The following SUMF1 variants were observed in gnomAD, a reference collection of about 807,000 sequenced individuals.
SUMF1 encodes formylglycine-generating enzyme.
A neutral mutation model predicts 47.6 loss-of-function variants in SUMF1; 48 were observed. The ratio of observed to expected loss-of-function variants is 1.01; its 90% CI spans 0.80 to 1.28. The LOEUF (loss-of-function observed/expected upper bound fraction) is 1.28, where lower values mean the gene tolerates loss of function less well. Among genes scored for constraint, SUMF1 ranks in the 50% most tolerant of loss-of-function variants. The pLI is 0.00. For missense variants in SUMF1, 571 were observed against 485.4 expected, an observed-to-expected ratio of 1.18 and a Z score of -1.66; for synonymous variants, 230 against 192.1, an observed-to-expected ratio of 1.20 and a Z score of -1.63.
intron 9 of SUMF1, among the ~76,000 whole-genome samples, chr3:4,036,563 T>C (rs1473323851): frequency 3.3e-5 from 5 of 151,484 alleles, no homozygotes; most frequent in African/African-American, 1.2e-4. Context: ...GGAGGAGTTT[T>C]CTCACTCCTC....
intron 8 of SUMF1, among the ~76,000 whole-genome samples, chr3:4,172,601 C>T (rs1694857670): frequency 6.6e-6 from 1 of 152,100 alleles, no homozygotes; most frequent in African/African-American, 2.4e-5. Context: ...GATCACACAG[C>T]TAAGAATAAG....
chr3:4,074,017 C>T (rs140928166), intron 8 of SUMF1, among the ~76,000 whole-genome samples: 12 of 151,998 alleles, frequency 7.9e-5, no homozygotes, highest in Admixed American at 1.3e-4. Flanking sequence ...ACTCTCCACC[C>T]CAAATCAACA....
At chr3:4,253,315 G>C (rs570400405) in intron 8 of SUMF1, among the ~76,000 whole-genome samples, 10 of 152,240 alleles carry the variant, frequency 6.6e-5, no homozygotes, top group Non-Finnish European at 1.0e-4. Context: ...GAGTGACGCA[G>C]AAGACAGGTG....
At chr3:4,295,116 C>A (rs1697823932) in intron 8 of SUMF1, among the ~76,000 whole-genome samples, 1 of 152,094 alleles carries the variant, frequency 6.6e-6, no homozygotes, top group African/African-American at 2.4e-5. Flanking sequence ...TAGTCTTGGG[C>A]AACTGAGTAA....
chr3:4,099,555 C>T (rs1692984332), intron 8 of SUMF1, among the ~76,000 whole-genome samples: 1 of 152,034 alleles, frequency 6.6e-6, no homozygotes, highest in African/African-American at 2.4e-5. Flanking sequence ...AGGAAGAAGA[C>T]AAAGATGGCT....
chr3:4,265,845 G>A (rs1048707647), intron 8 of SUMF1, among the ~76,000 whole-genome samples: 3 of 152,268 alleles, frequency 2.0e-5, no homozygotes, highest in African/African-American at 7.2e-5. Flanking sequence ...TTTTCTCCTA[G>A]GGTTTTTATG....
intron 8 of SUMF1, chr3:4,303,284 G>C: frequency 7.4e-7 from 1 of 1,358,884 alleles, no homozygotes; most frequent in Non-Finnish European, 9.7e-7. Flanking sequence ...ATTCCCATGA[G>C]GCGGTGGGGC....
intron 8 of SUMF1, among the ~76,000 whole-genome samples, chr3:4,282,998 T>C (rs1020035587): frequency 6.6e-6 from 1 of 152,222 alleles, no homozygotes; most frequent in Non-Finnish European, 1.5e-5. Context: ...ATGAATTAGA[T>C]GACTGCCTCT....
rs1035961742 is a variant in SUMF1 at position 4,442,099 on chromosome 3, C to T, written c.519+7167G>A. ...AATCAGACCTGTGAAAAGGAAAATC[C>T]CAAAAGAGCCAACAGGCATTACTGG... On this transcript the variant is annotated intron_variant, in intron 3 of 8. Transcript: ENST00000272902. 2.0e-5 allele frequency among the ~76,000 whole-genome samples: 3 copies of T among 152,094 alleles called. No homozygotes were observed. The East Asian group carries it at 5.8e-4, about 29-fold the overall frequency.
chr3:4,356,845 A>T (rs888336492), downstream of SUMF1, among the ~76,000 whole-genome samples: 1 of 152,224 alleles, frequency 6.6e-6, no homozygotes, highest in Non-Finnish European at 1.5e-5. Flanking sequence ...ACGAGAACAG[A>T]GCAGTGGCAG....
rs180716346 is a variant in SUMF1 at position 4,062,918 on chromosome 3, T to C, written c.1191+5651A>G. ...TCAAATAAGGAGTTTTGTCTCTGGA[T>C]GGCCTGCTTGATGGCCACCAGGTGA... On this transcript the variant is annotated intron_variant and NMD_transcript_variant, in intron 9 of 12. Transcript: ENST00000448413. Among the ~76,000 whole-genome samples the C allele has an allele frequency of 3.9e-5, 6 of 152,264 alleles. No individual in the cohort carries two copies. The East Asian group carries it at 9.6e-4, about 24-fold the overall frequency.
chr3:4,353,908 G>A (rs987492887), intron 8 of SUMF1, among the ~76,000 whole-genome samples: 4 of 152,124 alleles, frequency 2.6e-5, no homozygotes, highest in African/African-American at 9.7e-5. Context: ...CTGTCACCCA[G>A]GCTGGAGTGC....
At chr3:4,351,086 G>A (rs1414528626) in intron 8 of SUMF1, among the ~76,000 whole-genome samples, 1 of 152,238 alleles carries the variant, frequency 6.6e-6, no homozygotes. Context: ...ACAAGAGATT[G>A]TTCAAAGGTA....
At chr3:4,306,560 A>T (rs1409960345) in intron 8 of SUMF1, among the ~76,000 whole-genome samples, 3 of 152,210 alleles carry the variant, frequency 2.0e-5, no homozygotes, top group Non-Finnish European at 4.4e-5. Context: ...TTACAAAAAT[A>T]AGACAGGATG....
chr3:4,334,143 A>C (rs1428252824), intron 8 of SUMF1, among the ~76,000 whole-genome samples: 3 of 152,126 alleles, frequency 2.0e-5, no homozygotes, highest in Non-Finnish European at 2.9e-5. Flanking sequence ...AAAAAGTTTA[A>C]GTCAACTAAA....
chr3:4,395,769 A>T (rs1701020299), intron 7 of SUMF1, among the ~76,000 whole-genome samples: 2 of 152,194 alleles, frequency 1.3e-5, no homozygotes, highest in African/African-American at 2.4e-5. Context: ...ATTTTCCAAT[A>T]ATATAAGTCA....
intron 8 of SUMF1, among the ~76,000 whole-genome samples, chr3:4,159,318 TTGAGGTTACCA>T (rs1694523360): frequency 1.3e-5 from 2 of 151,142 alleles, no homozygotes; most frequent in African/African-American, 4.9e-5. Flanking sequence ...TTTTTTTTAT[TTGAGGTTACCA>T]TGAAGCTTGC....
intron 7 of SUMF1, among the ~76,000 whole-genome samples, chr3:4,379,215 T>C (rs1700422022): frequency 6.6e-6 from 1 of 152,244 alleles, no homozygotes; most frequent in African/African-American, 2.4e-5. Flanking sequence ...CCAAAATTAA[T>C]GCTCATTCAC....
rs1420466361 is a variant in SUMF1 at position 4,467,236 on chromosome 3, G to A, written c.10C>T (p.Pro4Ser). 6.2e-7 allele frequency: 1 copy of A among 1,608,784 alleles called. No homozygotes were observed. The highest frequency in any genetic ancestry group is 1.3e-5 in the African/African-American group (1 of 74,914). ...CGTCCACACACCAGCCCTAGTGCGGGCGCAGCCATGTTGTCCCGCGGGCCA... is the reference window on the plus strand; with the variant it reads ...CGTCCACACACCAGCCCTAGTGCGGACGCAGCCATGTTGTCCCGCGGGCCA... MAA[P>S]ALGLVCGRCP... Residue 4 changes from proline to serine, a missense_variant, in exon 1 of 9, where the codon CCC (proline) becomes TCC (serine). Coordinates refer to ENST00000272902, the MANE Select transcript of SUMF1 (RefSeq NM_182760.4).
Sources: allele counts gnomAD v4.1 joint callset (sites outside exome capture counted in the v4.1 genomes callset), GRCh38; gene constraint gnomAD v4.1.1; transcripts MANE v1.5; gene names NCBI Gene and HGNC (gene_info 2026-07-23, HGNC 2026-07-21).